SESTD1: variants seen among roughly 807,000 people sequenced by gnomAD.
SESTD1 encodes the protein SEC14 domain and spectrin repeat-containing protein 1.
In SESTD1, 43 loss-of-function variants were observed where a neutral mutation model predicts 101.7. The ratio of observed to expected loss-of-function variants is 0.42; its 90% CI spans 0.33 to 0.55. SESTD1 has a LOEUF of 0.55. Among genes scored for constraint, SESTD1 ranks in the 20% least tolerant of loss-of-function variants. The pLI is 0.07. For missense variants in SESTD1, 647 were observed against 815.1 expected (o/e 0.79, Z 2.51); for synonymous variants, 283 against 286.8 (o/e 0.99, Z 0.13).
chr2:179,199,459 G>T (rs929197633), intron 1 of SESTD1, among the ~76,000 whole-genome samples: 8 of 152,148 alleles, frequency 5.3e-5, no homozygotes, highest in African/African-American at 1.2e-4. Flanking sequence ...ATTTTATGAG[G>T]CCAGCATCAT....
At chr2:179,125,128 C>T (rs1451585676) in intron 10 of SESTD1, among the ~76,000 whole-genome samples, 3 of 152,106 alleles carry the variant, frequency 2.0e-5, no homozygotes, top group Non-Finnish European at 4.4e-5. Context: ...TTGTCCTCAC[C>T]TCAACTCAGC....
chr2:179,118,215 C>T (rs1217050920), intron 13 of SESTD1, among the ~76,000 whole-genome samples: 1 of 151,756 alleles, frequency 6.6e-6, no homozygotes, highest in Non-Finnish European at 1.5e-5. Context: ...TTTTTAAAAC[C>T]CTCCATCTAC....
chr2:179,132,870 G>T (rs2045043019), intron 9 of SESTD1, among the ~76,000 whole-genome samples: 1 of 152,088 alleles, frequency 6.6e-6, no homozygotes, highest in South Asian at 2.1e-4. Flanking sequence ...ATCCATTATT[G>T]AAAAACTGGA....
At chr2:179,167,683 A>G (rs1559124772) in intron 5 of SESTD1, among the ~76,000 whole-genome samples, 1 of 152,236 alleles carries the variant, frequency 6.6e-6, no homozygotes, top group Non-Finnish European at 1.5e-5. Context: ...AGATATAAAT[A>G]ACAGCGGCCT....
rs1322130992 is a variant in SESTD1, at chr2:179,216,061, C to T, written c.-25-24195G>A. Among the ~76,000 whole-genome samples, 15 of 135,326 alleles carry T rather than the reference C, an allele frequency of 1.1e-4. 5 individuals are homozygous for T. The highest frequency in any genetic ancestry group is 4.1e-4 in the African/African-American group (14 of 34,364). 88.8% of individuals were successfully genotyped at this position (135,326 alleles called of 152,430 possible). A position where few individuals can be genotyped will look rare whatever the true frequency, so the allele number is the denominator to read the frequency against. Reference sequence around the variant, plus strand: ...AATGGGCAAAAACTGGAAGCATCCCCTTTGAAAACCTGCACAAGACAAGGA... The same window carrying T: ...AATGGGCAAAAACTGGAAGCATCCCTTTTGAAAACCTGCACAAGACAAGGA... On this transcript the variant is annotated intron_variant, in intron 1 of 17. Coordinates refer to ENST00000428443, the MANE Select transcript of SESTD1 (RefSeq NM_178123.5).
chr2:179,227,631 A>G (rs971619082), intron 1 of SESTD1, among the ~76,000 whole-genome samples: 1 of 152,224 alleles, frequency 6.6e-6, no homozygotes, highest in South Asian at 2.1e-4. Flanking sequence ...TTCCTTTACA[A>G]AAAATGATTT....
chr2:179,212,915 G>A (rs574844907), intron 1 of SESTD1, among the ~76,000 whole-genome samples: 1 of 135,120 alleles, frequency 7.4e-6, no homozygotes, highest in Non-Finnish European at 1.6e-5. Context: ...CTGACTGTTA[G>A]AAGGAAAACT....
chr2:179,125,032 G>C (rs1200943788), intron 10 of SESTD1, among the ~76,000 whole-genome samples: 4 of 152,188 alleles, frequency 2.6e-5, no homozygotes, highest in African/African-American at 9.6e-5. Flanking sequence ...CTCAGCATCA[G>C]CCTTCTTAGT....
Position 179,239,649 on chromosome 2 carries a change from A to G in SESTD1, c.-26+24850T>C, listed in dbSNP as rs186333497. ...GGAATTATTTCAGAGCCCCCCAGGT[A>G]AACAACATATGCAGCTAGGATTCAA... On this transcript the variant is annotated intron_variant, in intron 1 of 17. Coordinates refer to ENST00000428443, the MANE Select transcript of SESTD1 (RefSeq NM_178123.5). Among the ~76,000 whole-genome samples, 3 of 152,316 alleles carry G rather than the reference A, an allele frequency of 2.0e-5. No individual in the cohort carries two copies. The East Asian group carries it at 5.8e-4, about 29-fold the overall frequency.
At position 179,202,696 on chromosome 2, in the gene SESTD1, T is replaced by C. The variant is rs767716231; in HGVS notation, c.-25-10830A>G. 6.7e-5 allele frequency among the ~76,000 whole-genome samples: 9 copies of C among 135,142 alleles called. 1 individual carries two copies. The highest frequency in any genetic ancestry group is 1.3e-4 in the Non-Finnish European group (8 of 62,830). 88.7% of individuals were successfully genotyped at this position (135,142 alleles called of 152,430 possible). ...CCAACGGCTTTAAAAAACAAAACTT[T>C]ATCTTCTAGAATTCAACAGTTTCAC... On this transcript the variant is annotated intron_variant, in intron 1 of 17. Coordinates refer to ENST00000428443, the MANE Select transcript of SESTD1 (RefSeq NM_178123.5).
At chr2:179,227,738 C>T (rs1250729722) in intron 1 of SESTD1, among the ~76,000 whole-genome samples, 1 of 152,112 alleles carries the variant, frequency 6.6e-6, no homozygotes, top group African/African-American at 2.4e-5. Context: ...ATGACTTCTG[C>T]ACTGCCTGTG....
chr2:179,123,501 C>T (rs2044797968), intron 12 of SESTD1, among the ~76,000 whole-genome samples: 1 of 151,984 alleles, frequency 6.6e-6, no homozygotes, highest in Admixed American at 6.6e-5. Context: ...GGTAAAGGCC[C>T]AGTGAAGGGA....
At chr2:179,236,681 T>C (rs1285852236) in intron 1 of SESTD1, among the ~76,000 whole-genome samples, 1 of 151,494 alleles carries the variant, frequency 6.6e-6, no homozygotes, top group African/African-American at 2.4e-5. Flanking sequence ...TTACTTGTAA[T>C]TTAATATGTA....
At chr2:179,193,476 A>T (rs1433669122) in intron 1 of SESTD1, among the ~76,000 whole-genome samples, 1 of 152,204 alleles carries the variant, frequency 6.6e-6, no homozygotes, top group Non-Finnish European at 1.5e-5. Flanking sequence ...TTATACAAGA[A>T]CCCAGACAGC....
intron 1 of SESTD1, among the ~76,000 whole-genome samples, chr2:179,232,562 A>G (rs912170482): frequency 2.6e-5 from 4 of 152,156 alleles, no homozygotes; most frequent in Admixed American, 1.3e-4. Flanking sequence ...TACAAAGATT[A>G]TTTATTGCAG....
chr2:179,131,468 G>C (rs778225798), intron 10 of SESTD1, among the ~76,000 whole-genome samples: 16 of 152,164 alleles, frequency 1.1e-4, no homozygotes, highest in Non-Finnish European at 2.2e-4. Context: ...TCTGGGTCCA[G>C]AGTTTAACAT....
intron 13 of SESTD1, among the ~76,000 whole-genome samples, chr2:179,118,635 T>C (rs2044685992): frequency 6.6e-6 from 1 of 152,144 alleles, no homozygotes. Flanking sequence ...AATTCTACAA[T>C]GGACTGAAGG....
intron 2 of SESTD1, among the ~76,000 whole-genome samples, chr2:179,184,331 A>G (rs371710831): frequency 1.4e-3 from 210 of 152,282 alleles, no homozygotes; most frequent in African/African-American, 5.0e-3. Flanking sequence ...CTAGACATCT[A>G]TCACTAAAAA....
intron 5 of SESTD1, among the ~76,000 whole-genome samples, chr2:179,154,721 AT>A (rs1223664474): frequency 6.6e-6 from 1 of 152,206 alleles, no homozygotes; most frequent in Non-Finnish European, 1.5e-5. Flanking sequence ...AGGACAAACA[AT>A]TTGGTCTCTT....
Sources: allele counts gnomAD v4.1 joint callset (sites outside exome capture counted in the v4.1 genomes callset), GRCh38; gene constraint gnomAD v4.1.1; transcripts MANE v1.5; gene names NCBI Gene and HGNC (gene_info 2026-07-23, HGNC 2026-07-21).